The following CD58 variants were observed in gnomAD, a reference collection of about 807,000 sequenced individuals.
The protein encoded by CD58 is CD58 molecule.
CD58 carries 14 observed loss-of-function variants against 27.6 expected under a neutral mutation model. That is an observed-to-expected ratio of 0.51 (90% CI 0.34 to 0.79). The LOEUF (loss-of-function observed/expected upper bound fraction) is 0.79. Among genes scored for constraint, CD58 ranks in the 30% least tolerant of loss-of-function variants. CD58 has a pLI of 0.02. For missense variants in CD58, 268 were observed against 301.7 expected (o/e 0.89, Z 0.83); for synonymous variants, 117 against 103.8 (o/e 1.13, Z -0.77).
In CD58 at chr1:116,534,187, T is replaced by G; in HGVS notation, c.628+1778A>C. 1 of 602,782 alleles carries G rather than the reference T, an allele frequency of 1.7e-6. No homozygotes were observed. 37.3% of individuals were successfully genotyped at this position (602,782 alleles called of 1,614,324 possible). ...GTCCTCGGGGAGCACACGCCGCCCA[T>G]CTGGCTCGCACCGCACAGCTCCCAA... On this transcript the variant is annotated intron_variant, in intron 3 of 5. Coordinates refer to ENST00000369489, the MANE Select transcript of CD58 (RefSeq NM_001779.3). This position sits in a 1 kb window ranked among gnomAD's most constrained non-coding sequence, Gnocchi z 5.3.
chr1:116,531,800 C>T lies in CD58; in HGVS notation c.628+4165G>A, dbSNP rs867798138. 5.3e-5 allele frequency among the ~76,000 whole-genome samples: 8 copies of T among 152,106 alleles called. No individual in the cohort carries two copies. The highest frequency in any genetic ancestry group is 1.9e-4 in the African/African-American group (8 of 41,408). On this transcript the variant is annotated intron_variant, in intron 3 of 5. Transcript: ENST00000369489. This position sits in a 1 kb window ranked among gnomAD's most constrained non-coding sequence, Gnocchi z 4.5. Reference sequence around the variant, plus strand: ...AATAGAATATTCTAACTATTATGTACAAATTGAAAACACTGTATTCAGTTA... The same window carrying T: ...AATAGAATATTCTAACTATTATGTATAAATTGAAAACACTGTATTCAGTTA...
intron 4 of CD58, among the ~76,000 whole-genome samples, chr1:116,520,558 G>T (rs1053691173): frequency 6.6e-6 from 1 of 150,606 alleles, no homozygotes; most frequent in Non-Finnish European, 1.5e-5. Flanking sequence ...AAGTTCTATG[G>T]AAACTCAGTG....
In CD58 at chr1:116,523,405, A is replaced by C. The variant is rs193064835; in HGVS notation, c.629-1422T>G. On this transcript the variant is annotated intron_variant, in intron 3 of 5. Coordinates refer to ENST00000369489, the MANE Select transcript of CD58 (RefSeq NM_001779.3). This position sits in a 1 kb window ranked among gnomAD's most constrained non-coding sequence, Gnocchi z 4.4. ...AAAGGAAGGGAGAGGAGGAAGAGAG[A>C]GAGAAAATGAATGAATAAATGAGAA... is the stretch of plus-strand genomic sequence containing the variant. 2.7e-3 allele frequency among the ~76,000 whole-genome samples: 412 copies of C among 152,276 alleles called. 1 individual carries two copies. The highest frequency in any genetic ancestry group is 9.5e-3 in the African/African-American group (395 of 41,562).
intron 1 of CD58, among the ~76,000 whole-genome samples, chr1:116,545,879 G>A (rs1447042124): frequency 2.0e-5 from 3 of 152,188 alleles, no homozygotes; most frequent in Non-Finnish European, 2.9e-5. Flanking sequence ...CTTGTCTCTT[G>A]TTAAGAGAGA....
intron 1 of CD58, among the ~76,000 whole-genome samples, chr1:116,560,857 A>G (rs1422578164): frequency 1.3e-5 from 2 of 152,202 alleles, no homozygotes; most frequent in African/African-American, 2.4e-5. Context: ...TCAAACCTGA[A>G]CTTATCTGAG....
rs1658354502 is a variant in CD58 at position 116,550,453 on chromosome 1, C to A, written c.71-5849G>T. On this transcript the variant is annotated intron_variant, in intron 1 of 5. Transcript: ENST00000369489. This position sits in a 1 kb window ranked among gnomAD's most constrained non-coding sequence, Gnocchi z 4.2. ...CTTTGCTCATCCATAAGAAGCAACT[C>A]CTCATTGGCTCAATTTTCATCATGA... is the stretch of plus-strand genomic sequence containing the variant. Among the ~76,000 whole-genome samples, 1 of 152,172 alleles carries A rather than the reference C, an allele frequency of 6.6e-6. No individual in the cohort carries two copies. The highest frequency in any genetic ancestry group is 2.4e-5 in the African/African-American group (1 of 41,440).
rs951270125 is a variant in CD58, at chr1:116,517,283, T to G, written c.743+1948A>C. Among the ~76,000 whole-genome samples, 19 of 152,080 alleles carry G rather than the reference T, an allele frequency of 1.2e-4. No homozygotes were observed. The highest frequency in any genetic ancestry group is 4.6e-4 in the African/African-American group (19 of 41,416). On this transcript the variant is annotated intron_variant, in intron 5 of 5. Coordinates refer to ENST00000369489, the MANE Select transcript of CD58 (RefSeq NM_001779.3). The surrounding 1 kb of genome is among the most constrained non-coding windows in gnomAD (Gnocchi z 6.5). The stretch of plus-strand genomic sequence containing the variant: ...CCACCTCACCTCATCTCCAGCTACT[T>G]GGCTCCTCTCTGCCCAGCCTCCTGG...
In CD58 at chr1:116,570,686, C is replaced by CA. The variant is rs1469399288; in HGVS notation, c.70+216dup. The stretch of plus-strand genomic sequence containing the variant: ...CGGAGCCCGTCCTTCCCTAAGGCCA[C>CA]ACAGTTCCTTGCTGACTCCATGAGG... On this transcript the variant is annotated intron_variant, in intron 1 of 5. Transcript: ENST00000369489. This position sits in a 1 kb window ranked among gnomAD's most constrained non-coding sequence, Gnocchi z 6.4. 1.3e-5 allele frequency among the ~76,000 whole-genome samples: 2 copies of CA among 152,128 alleles called. No homozygotes were observed. Among genetic ancestry groups the CA allele is most frequent in the African/African-American group, 2.4e-5 (1 of 41,436 alleles).
In CD58 at chr1:116,536,131, A is replaced by G. The variant is rs935226851; in HGVS notation, c.462T>C (p.Leu154=). ...IPEHYNSHRG[L]IMYSWDCPME... ...TAGGACAATCCCATGAGTACATTATAAGTCCTCGATGGCTGTTGTAATGCT... is the reference window on the plus strand; with the variant it reads ...TAGGACAATCCCATGAGTACATTATGAGTCCTCGATGGCTGTTGTAATGCT... Residue 154 remains leucine (L), a synonymous_variant, in exon 3 of 6, where the codon CTT becomes CTC. Transcript: ENST00000369489. The surrounding 1 kb of genome is among the most constrained non-coding windows in gnomAD (Gnocchi z 5.4). 2.5e-6 allele frequency: 4 copies of G among 1,613,682 alleles called. No individual in the cohort carries two copies. In the African/African-American group the frequency reaches 4.0e-5, roughly 16 times the overall value.
Position 116,535,828 on chromosome 1 carries a change from G to A in CD58, c.628+137C>T, listed in dbSNP as rs1270052740. ...TGCACTCCAGCCTGGGCGACAGAGC[G>A]AGACTCTGTCTCAAAAAAAAAAAAA... On this transcript the variant is annotated intron_variant, in intron 3 of 5. Coordinates refer to ENST00000369489, the MANE Select transcript of CD58 (RefSeq NM_001779.3). 23 of 450,304 alleles carry A rather than the reference G, an allele frequency of 5.1e-5. 3 individuals are homozygous for A. In the East Asian group the frequency reaches 1.3e-3, roughly 25 times the overall value. The allele number at this position is 450,304 out of a possible 1,614,324, so 27.9% of individuals were successfully genotyped here. A position where few individuals can be genotyped will look rare whatever the true frequency, so the allele number is the denominator to read the frequency against.
Position 116,522,074 on chromosome 1 carries a change from T to C in CD58, c.629-91A>G. 1 of 635,718 alleles carries C rather than the reference T, an allele frequency of 1.6e-6. No homozygotes were observed. Among genetic ancestry groups the C allele is most frequent in the South Asian group, 2.0e-5 (1 of 49,398 alleles). 39.4% of individuals were successfully genotyped at this position (635,718 alleles called of 1,614,324 possible). ...CAGATTCCACCTTGCGGTTTGCTTA[T>C]TTACTGAAATTTATTTGTAATCCAC... is the stretch of plus-strand genomic sequence containing the variant. On this transcript the variant is annotated intron_variant, in intron 3 of 5. Coordinates refer to ENST00000369489, the MANE Select transcript of CD58 (RefSeq NM_001779.3). The surrounding 1 kb of genome is among the most constrained non-coding windows in gnomAD (Gnocchi z 4.6).
intron 1 of CD58, among the ~76,000 whole-genome samples, chr1:116,555,613 C>T (rs1210951615): frequency 6.6e-6 from 1 of 152,180 alleles, no homozygotes; most frequent in Non-Finnish European, 1.5e-5. Context: ...ATCAGCACTA[C>T]ATGTATAGAG....
At chr1:116,529,385 C>T (rs1342272005) in intron 3 of CD58, among the ~76,000 whole-genome samples, 1 of 152,200 alleles carries the variant, frequency 6.6e-6, no homozygotes, top group Non-Finnish European at 1.5e-5. Context: ...TAATTGCTCA[C>T]TAGCTTTCTT....
At chr1:116,569,741 A>G (rs77781906) in intron 1 of CD58, among the ~76,000 whole-genome samples, 1 of 151,416 alleles carries the variant, frequency 6.6e-6, no homozygotes, top group Non-Finnish European at 1.5e-5. Flanking sequence ...AGCTGGGACT[A>G]TAGGTATGCG....
chr1:116,563,362 TGGATCTACCATTCCGG>T lies in CD58; in HGVS notation c.70+7525_70+7540del, dbSNP rs533288415. Among the ~76,000 whole-genome samples the T allele has an allele frequency of 1.3e-5, 2 of 152,154 alleles. No individual in the cohort carries two copies. The highest frequency in any genetic ancestry group is 3.9e-4 in the East Asian group (2 of 5,164). ...CCAGGTACACGGTGCAAGCTCTCGGTGGATCTACCATTCCGGGGTCTGGTGGATGATGGCCCTCTTC... is the reference window on the plus strand; with the variant it reads ...CCAGGTACACGGTGCAAGCTCTCGGTGGTCTGGTGGATGATGGCCCTCTTC... On this transcript the variant is annotated intron_variant, in intron 1 of 5. Coordinates refer to ENST00000369489, the MANE Select transcript of CD58 (RefSeq NM_001779.3). The surrounding 1 kb of genome is among the most constrained non-coding windows in gnomAD (Gnocchi z 4.1).
rs557953057 is a variant in CD58 at position 116,538,286 on chromosome 1, G to T, written c.365-2058C>A. Among the ~76,000 whole-genome samples, 5 of 152,142 alleles carry T rather than the reference G, an allele frequency of 3.3e-5. No individual in the cohort carries two copies. The highest frequency in any genetic ancestry group is 5.9e-5 in the Non-Finnish European group (4 of 68,034). On this transcript the variant is annotated intron_variant, in intron 2 of 5. Transcript: ENST00000369489. This position sits in a 1 kb window ranked among gnomAD's most constrained non-coding sequence, Gnocchi z 4.7. ...CAATGGATAAGAAGTTGCTCTAGTT[G>T]ACTCAAAATTGAAAGCCTAGAGCCC... is the stretch of plus-strand genomic sequence containing the variant.
In CD58 at chr1:116,531,906, C is replaced by T. The variant is rs1479783172; in HGVS notation, c.628+4059G>A. Among the ~76,000 whole-genome samples the T allele has an allele frequency of 2.0e-5, 3 of 152,236 alleles. No individual in the cohort carries two copies. Among genetic ancestry groups the T allele is most frequent in the Non-Finnish European group, 2.9e-5 (2 of 68,046 alleles). On this transcript the variant is annotated intron_variant, in intron 3 of 5. Transcript: ENST00000369489. This position sits in a 1 kb window ranked among gnomAD's most constrained non-coding sequence, Gnocchi z 4.5. ...AAGGCCATCCCCGGCTGCCACAGAG[C>T]GCTGTCACCCACTTGGAAACCCCAC...
Position 116,533,360 on chromosome 1 carries a change from C to T in CD58, c.628+2605G>A, listed in dbSNP as rs1657680709. Reference sequence around the variant, plus strand: ...TAGTACACCCATCGCAGTCCATGATCTCAGGACCTGCAAATGAAAAGGGAT... The same window carrying T: ...TAGTACACCCATCGCAGTCCATGATTTCAGGACCTGCAAATGAAAAGGGAT... On this transcript the variant is annotated intron_variant, in intron 3 of 5. Coordinates refer to ENST00000369489, the MANE Select transcript of CD58 (RefSeq NM_001779.3). 9 of 1,026,042 alleles carry T rather than the reference C, an allele frequency of 8.8e-6. No individual in the cohort carries two copies. The East Asian group carries it at 1.9e-4, about 22-fold the overall frequency. 63.6% of individuals were successfully genotyped at this position (1,026,042 alleles called of 1,614,324 possible).
At chr1:116,554,332 T>G (rs1353842414) in intron 1 of CD58, among the ~76,000 whole-genome samples, 3 of 152,086 alleles carry the variant, frequency 2.0e-5, no homozygotes, top group Admixed American at 2.0e-4. Context: ...TTTGGAAAAT[T>G]TCTTAATATT....
Sources: allele counts gnomAD v4.1 joint callset (sites outside exome capture counted in the v4.1 genomes callset), GRCh38; gene constraint gnomAD v4.1.1; non-coding constraint Gnocchi (gnomAD v3.1); transcripts MANE v1.5; gene names NCBI Gene and HGNC (gene_info 2026-07-23, HGNC 2026-07-21).